The following CHP2 variants were observed in gnomAD, a reference collection of about 807,000 sequenced individuals.
CHP2 encodes the protein calcineurin B homologous protein 2.
CHP2 carries 31 observed loss-of-function variants against 24.7 expected under a neutral mutation model. The ratio of observed to expected loss-of-function variants is 1.26; its 90% CI spans 0.94 to 1.69. The LOEUF (loss-of-function observed/expected upper bound fraction) is 1.69. Among genes scored for constraint, CHP2 ranks in the 40% most tolerant of loss-of-function variants. The probability of loss-of-function intolerance (pLI) is 0.00; values close to 1 mark genes in which losing one functional copy is unlikely to be tolerated. For missense variants in CHP2, 319 were observed against 261.5 expected (o/e 1.22, Z -1.52); for synonymous variants, 97 against 99.1 (o/e 0.98, Z 0.13).
intron 6 of CHP2, 101 bp downstream of exon 6, chr16:23,757,424 C>G: frequency 3.2e-6 from 5 of 1,583,164 alleles, no homozygotes; most frequent in Non-Finnish European, 4.3e-6. Context: ...TAGGGGTTGC[C>G]TGGGAATGAT....
rs1185565571 is a variant in CHP2 at position 23,756,160 on chromosome 16, GAACCTCTC to G, written c.323_330del (p.Pro108GlnfsTer14). 14 of 1,613,986 alleles carry G rather than the reference GAACCTCTC, an allele frequency of 8.7e-6. No individual in the cohort carries two copies. The highest frequency in any genetic ancestry group is 1.1e-5 in the Non-Finnish European group (13 of 1,180,038). On this transcript the variant is annotated frameshift_variant, in exon 4 of 7. Coordinates refer to ENST00000300113, the MANE Select transcript of CHP2 (RefSeq NM_022097.4). LOFTEE classifies it high-confidence loss of function. ...AGAAACCCAAGACCCCAAGAAACCT[GAACCTCTC>G]AACAGCAGAAGGAACAAACTTCACT...
rs1379128859 is a variant in CHP2 at position 23,758,583 on chromosome 16, A to C, written c.*1000A>C. On this transcript the variant is annotated 3_prime_UTR_variant, in exon 7 of 7. Transcript: ENST00000300113. Reference sequence around the variant, plus strand: ...CTTATTCCAATAATTCCAAGTGGAGAGTGTCATTGACCCGTTTGGGGTCTC... The same window carrying C: ...CTTATTCCAATAATTCCAAGTGGAGCGTGTCATTGACCCGTTTGGGGTCTC... 6.6e-6 allele frequency: 1 copy of C among 152,112 alleles called. No individual in the cohort carries two copies. Among genetic ancestry groups the C allele is most frequent in the Non-Finnish European group, 1.5e-5 (1 of 68,054 alleles). 9.4% of individuals were successfully genotyped at this position (152,112 alleles called of 1,614,324 possible). A position where few individuals can be genotyped will look rare whatever the true frequency, so the allele number is the denominator to read the frequency against.
At position 23,756,501 on chromosome 16, in the gene CHP2, A is replaced by C. The variant is rs547492443; in HGVS notation, c.414+52A>C. On this transcript the variant is annotated intron_variant, in intron 5 of 6. Coordinates refer to ENST00000300113, the MANE Select transcript of CHP2 (RefSeq NM_022097.4). ...GTGATGTGTGAAGGATGGGATGGTT[A>C]AATGCAATGGTGTGAGAGATGGGGT... 4.1e-6 allele frequency: 6 copies of C among 1,473,718 alleles called. No individual in the cohort carries two copies. In the South Asian group the frequency reaches 6.8e-5, roughly 17 times the overall value. The allele number at this position is 1,473,718 out of a possible 1,614,324, so 91.3% of individuals were successfully genotyped here.
At chr16:23,757,147 GA>G in intron 5 of CHP2, 53 bp from the exon 6 acceptor site, 5 of 1,608,980 alleles carry the variant, frequency 3.1e-6, no homozygotes, top group Non-Finnish European at 4.3e-6. Flanking sequence ...AGGAGATGGG[GA>G]GTTGCAGCCT....
intron 5 of CHP2, 121 bp from the exon 6 acceptor site, chr16:23,757,080 G>A: frequency 8.5e-7 from 1 of 1,182,872 alleles, no homozygotes; most frequent in South Asian, 1.3e-5. Flanking sequence ...GTGAAAAATG[G>A]ATGAAGGATG....
rs113497030 is a variant in CHP2, at chr16:23,758,131, A to T, written c.*548A>T. On this transcript the variant is annotated 3_prime_UTR_variant, in exon 7 of 7. Coordinates refer to ENST00000300113, the MANE Select transcript of CHP2 (RefSeq NM_022097.4). ...CAGAGCTCAGGCGGTAATGCAAGCA[A>T]TGGGGAGTGGCTGTAAATATAGATG... is the stretch of plus-strand genomic sequence containing the variant. The T allele has an allele frequency of 0.029, 4,949 of 170,088 alleles. 257 individuals are homozygous for T. The highest frequency in any genetic ancestry group is 0.11 in the African/African-American group (4,532 of 41,872). 10.5% of individuals were successfully genotyped at this position (170,088 alleles called of 1,614,324 possible).
chr16:23,756,190 C>T lies in CHP2; in HGVS notation c.349C>T (p.His117Tyr). The change falls in exon 4 of 7, where the codon CAC (histidine) becomes TAC (tyrosine). Residue 117 changes from histidine (H) to tyrosine (Y), a missense_variant. By Grantham distance (83) the His-to-Tyr change is moderately conservative. Coordinates refer to ENST00000300113, the MANE Select transcript of CHP2 (RefSeq NM_022097.4). ...EPLNSRRNKL[H>Y]YAFQLYDLDR... ...TCTCAACAGCAGAAGGAACAAACTT[C>T]ACTGTGAGTTTGTGAGGACCTGCAC... 6.2e-7 allele frequency: 1 copy of T among 1,613,942 alleles called. No individual in the cohort carries two copies. The highest frequency in any genetic ancestry group is 8.5e-7 in the Non-Finnish European group (1 of 1,180,014).
intron 6 of CHP2, 74 bp downstream of exon 6, chr16:23,757,397 G>A (rs902000234): frequency 2.9e-5 from 46 of 1,589,988 alleles, no homozygotes; most frequent in East Asian, 1.6e-4. Flanking sequence ...AACGTTCAAC[G>A]GAGGAGGGCG....
intron 1 of CHP2, 21 bp downstream of exon 1, chr16:23,755,137 G>T: frequency 3.2e-6 from 5 of 1,581,620 alleles, no homozygotes; most frequent in Non-Finnish European, 4.3e-6. Context: ...CCGCGTCGGC[G>T]GCTGCGGAGG....
rs986206965 is a variant in CHP2, at chr16:23,758,136, G to A, written c.*553G>A. 4 of 168,658 alleles carry A rather than the reference G, an allele frequency of 2.4e-5. No homozygotes were observed. The highest frequency in any genetic ancestry group is 1.5e-4 in the South Asian group (1 of 6,692). 10.4% of individuals were successfully genotyped at this position (168,658 alleles called of 1,614,324 possible). A position where few individuals can be genotyped will look rare whatever the true frequency, so the allele number is the denominator to read the frequency against. On this transcript the variant is annotated 3_prime_UTR_variant, in exon 7 of 7. Coordinates refer to ENST00000300113, the MANE Select transcript of CHP2 (RefSeq NM_022097.4). ...CTCAGGCGGTAATGCAAGCAATGGG[G>A]AGTGGCTGTAAATATAGATGAAGCT...
Position 23,757,309 on chromosome 16 carries a change from G to C in CHP2, c.523G>C (p.Val175Leu). 6.2e-7 allele frequency: 1 copy of C among 1,611,606 alleles called. No homozygotes were observed. The highest frequency in any genetic ancestry group is 8.5e-7 in the Non-Finnish European group (1 of 1,178,540). The change falls in exon 6 of 7, where the codon GTG (valine) becomes CTG (leucine). Residue 175 changes from valine to leucine, a missense_variant. By Grantham distance (32) the Val-to-Leu change is conservative. Transcript: ENST00000300113. ...DEDGDGAVSFVEFTKSLEKMD... is the reference protein window; with the variant it reads ...DEDGDGAVSFLEFTKSLEKMD... ...AGATGGGGATGGGGCTGTGTCCTTC[G>C]TGGAGTTCACCAAGGTCAGAGTGCC...
intron 5 of CHP2, among the ~76,000 whole-genome samples, chr16:23,756,925 G>T (rs1243628459): frequency 6.6e-6 from 1 of 152,156 alleles, no homozygotes; most frequent in South Asian, 2.1e-4. Context: ...AGTGGCTAAG[G>T]TGGAGAATGG....
chr16:23,758,039 G>T lies in CHP2; in HGVS notation c.*456G>T. On this transcript the variant is annotated 3_prime_UTR_variant, in exon 7 of 7. Coordinates refer to ENST00000300113, the MANE Select transcript of CHP2 (RefSeq NM_022097.4). ...AGGAGTGCACAATCTAGATCCTTTG[G>T]TGTGCAGTTCACAGTAGGATTTGGG... The T allele has an allele frequency of 4.8e-6, 1 of 206,792 alleles. No individual in the cohort carries two copies. The highest frequency in any genetic ancestry group is 9.9e-6 in the Non-Finnish European group (1 of 100,774). 12.8% of individuals were successfully genotyped at this position (206,792 alleles called of 1,614,324 possible).
rs748464346 is a variant in CHP2, at chr16:23,755,969, G to A, written c.221+42G>A. 6.8e-6 allele frequency: 11 copies of A among 1,613,666 alleles called. No homozygotes were observed. The Admixed American group carries it at 1.2e-4, about 17-fold the overall frequency. ...GTGGGGAGGTGAAGGCGGGAAAACC[G>A]GTGTGTGAGTGGGTGGGAGGGGAGG... On this transcript the variant is annotated intron_variant, in intron 3 of 6. Transcript: ENST00000300113.
Position 23,756,390 on chromosome 16 carries a change from G to A in CHP2, c.355G>A (p.Ala119Thr). ...TCCCCCTCCCACCCTCTCCCCAGAT[G>A]CATTTCAGCTCTATGACCTGGATCG... ...LNSRRNKLHYAFQLYDLDRDG... is the reference protein window; with the variant it reads ...LNSRRNKLHYTFQLYDLDRDG... Residue 119 changes from alanine to threonine, a missense_variant and splice_region_variant, in exon 5 of 7, where the codon GCA (alanine) becomes ACA (threonine). Physicochemically the swap from Ala to Thr is moderately conservative, Grantham distance 58. Coordinates refer to ENST00000300113, the MANE Select transcript of CHP2 (RefSeq NM_022097.4). 1.9e-6 allele frequency: 3 copies of A among 1,612,644 alleles called. No homozygotes were observed. The highest frequency in any genetic ancestry group is 8.5e-7 in the Non-Finnish European group (1 of 1,178,840).
Position 23,757,566 on chromosome 16 carries a change from A to G in CHP2, c.574A>G (p.Ile192Val). The change falls in exon 7 of 7, where the codon ATC becomes GTC. Residue 192 changes from isoleucine (I) to valine (V), a missense_variant. Physicochemically the swap from Ile to Val is conservative, Grantham distance 29 (BLOSUM62 3). Transcript: ENST00000300113. ...GATGGACGTTGAGCAAAAAATGAGC[A>G]TCCGGATCCTGAAGTGACTCCGTTT... ...EKMDVEQKMS[I>V]RILK is the part of the protein sequence containing the mutation. 1 of 1,614,118 alleles carries G rather than the reference A, an allele frequency of 6.2e-7. No individual in the cohort carries two copies.
In CHP2 at chr16:23,755,133, C is replaced by A; in HGVS notation, c.67+17C>A. The A allele has an allele frequency of 6.3e-7, 1 of 1,588,734 alleles. No homozygotes were observed. The highest frequency in any genetic ancestry group is 8.6e-7 in the Non-Finnish European group (1 of 1,167,652). On this transcript the variant is annotated intron_variant, in intron 1 of 6. Transcript: ENST00000300113. ...AGACCGGCTGTGAGTGCGCCCGCGT[C>A]GGCGGCTGCGGAGGGGACGGGGCGA...
In CHP2 at chr16:23,756,477, T is replaced by C. The variant is rs748803602; in HGVS notation, c.414+28T>C. The C allele has an allele frequency of 1.3e-6, 2 of 1,592,670 alleles. 1 individual carries two copies. Among genetic ancestry groups the C allele is most frequent in the Non-Finnish European group, 1.7e-6 (2 of 1,160,958 alleles). On this transcript the variant is annotated intron_variant, in intron 5 of 6. Transcript: ENST00000300113. ...TGGCAGAAAGCGAGAGCAAGAGATG[T>C]GATGTGTGAAGGATGGGATGGTTAA...
rs79455352 is a variant in CHP2, at chr16:23,756,417, G to A, written c.382G>A (p.Asp128Asn). ...ATTTCAGCTCTATGACCTGGATCGCGATGGGAAGATCTCCAGGCATGAGAT... is the reference window on the plus strand; with the variant it reads ...ATTTCAGCTCTATGACCTGGATCGCAATGGGAAGATCTCCAGGCATGAGAT... Reference protein sequence around the residue: ...YAFQLYDLDRDGKISRHEMLQ... With the variant: ...YAFQLYDLDRNGKISRHEMLQ... Residue 128 changes from aspartate (D) to asparagine (N), a missense_variant, in exon 5 of 7, where the codon GAT becomes AAT. Physicochemically the swap from Asp to Asn is conservative, Grantham distance 23 (BLOSUM62 1). Transcript: ENST00000300113. 2.0e-5 allele frequency: 32 copies of A among 1,613,958 alleles called. No individual in the cohort carries two copies. Among genetic ancestry groups the A allele is most frequent in the Middle Eastern group, 3.3e-4 (2 of 6,062 alleles).
Sources: gnomAD v4.1 joint callset for allele counts (sites outside exome capture counted in the v4.1 genomes callset) on GRCh38, gnomAD v4.1.1 for gene constraint, MANE v1.5 for transcripts, NCBI Gene and HGNC (gene_info 2026-07-23, HGNC 2026-07-21) for gene names.